The following AP2A2 variants were observed in gnomAD, a reference collection of about 807,000 sequenced individuals.
AP2A2 encodes adaptor related protein complex 2 subunit alpha 2.
Under a neutral mutation model 104.2 loss-of-function variants are expected in AP2A2, and 32 were observed. The ratio of observed to expected loss-of-function variants is 0.31; its 90% CI spans 0.23 to 0.41. The LOEUF (loss-of-function observed/expected upper bound fraction) is 0.41, where lower values mean the gene tolerates loss of function less well. Among genes scored for constraint, AP2A2 ranks in the 10% least tolerant of loss-of-function variants. The pLI, the probability that AP2A2 is intolerant of heterozygous loss-of-function variation, is 1.00. For missense variants in AP2A2, 912 were observed against 1,261.0 expected, an observed-to-expected ratio of 0.72 and a Z score of 4.19; for synonymous variants, 539 against 533.3, an observed-to-expected ratio of 1.01 and a Z score of -0.15.
chr11:933,722 G>A (rs970014722), intron 1 of AP2A2: 6 of 449,042 alleles, frequency 1.3e-5, no homozygotes, highest in Middle Eastern at 3.6e-4. Flanking sequence ...CCAGTGACTC[G>A]TGGGCACTCA....
intron 2 of AP2A2, among the ~76,000 whole-genome samples, chr11:966,128 A>G (rs1405245053): frequency 1.3e-5 from 2 of 152,236 alleles, no homozygotes; most frequent in African/African-American, 4.8e-5. Flanking sequence ...TTACAGGCGT[A>G]AGCCACTGCA....
intron 2 of AP2A2, among the ~76,000 whole-genome samples, chr11:967,033 G>T (rs1360782630): frequency 6.6e-6 from 1 of 151,950 alleles, no homozygotes; most frequent in East Asian, 2.0e-4. Context: ...TGGGTGTGGT[G>T]GCGTGTGCCT....
chr11:977,138 C>T lies in AP2A2; in HGVS notation c.517C>T (p.Leu173=), dbSNP rs1468870916. 5.0e-6 allele frequency: 8 copies of T among 1,613,792 alleles called. No homozygotes were observed. The South Asian group carries it at 8.8e-5, about 18-fold the overall frequency. The change falls in exon 5 of 22, where the codon CTG becomes TTG. Residue 173 remains leucine, a synonymous_variant. Coordinates refer to ENST00000448903, the MANE Select transcript of AP2A2 (RefSeq NM_012305.4). ...SVKQSAALCL[L]RLYRTSPDLV... is the part of the protein sequence containing the mutation. ...GAAGCAGAGCGCGGCCCTGTGCTTG[C>T]TGCGCCTGTACAGGACGTCCCCCGA...
chr11:949,601 C>A (rs145889800), intron 1 of AP2A2, among the ~76,000 whole-genome samples: 3,661 of 151,918 alleles, frequency 0.024, 154 homozygotes, highest in African/African-American at 0.083. Context: ...ATGGTGAAAC[C>A]CCATCTCTAC....
At chr11:927,815 A>AC (rs1853167332) in intron 1 of AP2A2, among the ~76,000 whole-genome samples, 1 of 103,810 alleles carries the variant, frequency 9.6e-6, no homozygotes, top group East Asian at 2.6e-4. Flanking sequence ...GACCTTTCTC[A>AC]CAAAAAAAAA....
At position 1,009,628 on chromosome 11, in the gene AP2A2, A is replaced by T. The variant is rs539847257; in HGVS notation, c.2608-55A>T. ...GGGTCTGGAGGGGCGGCCCCGGGGG[A>T]CACGCTGCCCGCGACCCCGCGCCAG... On this transcript the variant is annotated intron_variant, in intron 20 of 21. Transcript: ENST00000448903. 391 of 1,457,966 alleles carry T rather than the reference A, an allele frequency of 2.7e-4. 6 individuals carry two copies. The highest frequency in any genetic ancestry group is 8.5e-4 in the Admixed American group (42 of 49,698). The allele number at this position is 1,457,966 out of a possible 1,614,324, so 90.3% of individuals were successfully genotyped here.
At chr11:958,518 A>T (rs2134558434) in intron 1 of AP2A2, among the ~76,000 whole-genome samples, 1 of 152,300 alleles carries the variant, frequency 6.6e-6, no homozygotes, top group African/African-American at 2.4e-5. Context: ...GATAAGCCAA[A>T]AAGAAAGACT....
At chr11:995,410 A>AGGGAGGGCTCCTGTCGGGGTC (rs1855818175) in intron 14 of AP2A2, 1 of 455,636 alleles carries the variant, frequency 2.2e-6, no homozygotes, top group Admixed American at 2.4e-5. Context: ...CTGCACTGTC[A>AGGGAGGGCTCCTGTCGGGGTC]GGGAGGGCTC....
chr11:971,033 C>CT (rs1270404416), intron 3 of AP2A2, among the ~76,000 whole-genome samples: 1 of 152,180 alleles, frequency 6.6e-6, no homozygotes, highest in Non-Finnish European at 1.5e-5. Flanking sequence ...AAAAATTTAA[C>CT]TTAGAGAAAT....
chr11:972,263 C>T lies in AP2A2; in HGVS notation c.473+8C>T, dbSNP rs1415020322. 6 of 1,580,270 alleles carry T rather than the reference C, an allele frequency of 3.8e-6. No homozygotes were observed. The East Asian group carries it at 1.4e-4, about 36-fold the overall frequency. Reference sequence around the variant, plus strand: ...TAAGGTCCTCGTAGCCGGGTATGTGCCGGGCTCGTGCCGGGCTCCTGCTGA... The same window carrying T: ...TAAGGTCCTCGTAGCCGGGTATGTGTCGGGCTCGTGCCGGGCTCCTGCTGA... On this transcript the variant is annotated splice_region_variant and intron_variant, in intron 4 of 21. Coordinates refer to ENST00000448903, the MANE Select transcript of AP2A2 (RefSeq NM_012305.4).
chr11:970,311 CG>C lies in AP2A2; in HGVS notation c.279+1del, dbSNP rs1564799995. ...CAAACAGATACACGGAAAAGCAGAT[CG>C]TGAGTATCGCTGCAGGTGGAGACGG... On this transcript the variant is annotated splice_donor_variant, in intron 3 of 21. Coordinates refer to ENST00000448903, the MANE Select transcript of AP2A2 (RefSeq NM_012305.4). LOFTEE classifies it high-confidence loss of function. The C allele has an allele frequency of 1.2e-6, 2 of 1,613,178 alleles. No individual in the cohort carries two copies.
chr11:1,009,468 GC>G (rs1856328124), intron 20 of AP2A2, 71 bp downstream of exon 20: 1 of 1,487,552 alleles, frequency 6.7e-7, no homozygotes, highest in East Asian at 2.5e-5. Context: ...TGGAGGGACG[GC>G]CCCGGGGAAC....
chr11:962,601 C>T (rs376632888), intron 2 of AP2A2, among the ~76,000 whole-genome samples: 51 of 152,000 alleles, frequency 3.4e-4, no homozygotes, highest in Middle Eastern at 6.8e-3. Flanking sequence ...GGTGTGGAGG[C>T]GCGTGCCTAT....
At position 985,421 on chromosome 11, in the gene AP2A2, G is replaced by C. The variant is rs373037617; in HGVS notation, c.815-14G>C. 3.7e-6 allele frequency: 6 copies of C among 1,612,900 alleles called. No homozygotes were observed. The highest frequency in any genetic ancestry group is 2.2e-5 in the East Asian group (1 of 44,852). ...ACTGGAGACTGGTGAGCACCGTTCTGTCTTGCCCAGAAGACCCTGCAGTGC... is the reference window on the plus strand; with the variant it reads ...ACTGGAGACTGGTGAGCACCGTTCTCTCTTGCCCAGAAGACCCTGCAGTGC... On this transcript the variant is annotated splice_polypyrimidine_tract_variant and intron_variant, in intron 7 of 21. Coordinates refer to ENST00000448903, the MANE Select transcript of AP2A2 (RefSeq NM_012305.4).
At chr11:1,008,271 C>T (rs1460847753) in intron 18 of AP2A2, 136 bp downstream of exon 18, 19 of 1,282,844 alleles carry the variant, frequency 1.5e-5, no homozygotes, top group Middle Eastern at 5.5e-4. Flanking sequence ...ATGGATGCGG[C>T]CTGAGCTATT....
intron 9 of AP2A2, 119 bp downstream of exon 9, chr11:987,072 G>A: frequency 8.2e-7 from 1 of 1,225,052 alleles, no homozygotes. Flanking sequence ...TGGTGCTGGT[G>A]CTGCTGGCCT....
In AP2A2 at chr11:959,583, C is replaced by G. The variant is rs975753776; in HGVS notation, c.136+78C>G. 24 of 908,602 alleles carry G rather than the reference C, an allele frequency of 2.6e-5. No individual in the cohort carries two copies. In the African/African-American group the frequency reaches 3.9e-4, roughly 15 times the overall value. The allele number at this position is 908,602 out of a possible 1,614,324, so 56.3% of individuals were successfully genotyped here. A position where few individuals can be genotyped will look rare whatever the true frequency, so the allele number is the denominator to read the frequency against. ...TAAGAACCCAGTCTTTTAATACTGTCTTCTTTTCTCCCACACTAAAGTGAA... is the reference window on the plus strand; with the variant it reads ...TAAGAACCCAGTCTTTTAATACTGTGTTCTTTTCTCCCACACTAAAGTGAA... On this transcript the variant is annotated intron_variant, in intron 2 of 21. Transcript: ENST00000448903.
Position 940,182 on chromosome 11 carries a change from G to A in AP2A2, c.67+14094G>A, listed in dbSNP as rs549861903. ...TTGGCCAGGCTGGTCTTGAACTCCTGACCTTAAGTGATCCACCCGCCTTGG... is the reference window on the plus strand; with the variant it reads ...TTGGCCAGGCTGGTCTTGAACTCCTAACCTTAAGTGATCCACCCGCCTTGG... On this transcript the variant is annotated intron_variant, in intron 1 of 21. Coordinates refer to ENST00000448903, the MANE Select transcript of AP2A2 (RefSeq NM_012305.4). Among the ~76,000 whole-genome samples, 5 of 152,012 alleles carry A rather than the reference G, an allele frequency of 3.3e-5. No homozygotes were observed. In the East Asian group the frequency reaches 9.7e-4, roughly 29 times the overall value.
rs1450151914 is a variant in AP2A2, at chr11:992,729, T to TG, written c.1452+45dup. The TG allele has an allele frequency of 4.4e-6, 7 of 1,608,808 alleles. No homozygotes were observed. The highest frequency in any genetic ancestry group is 4.2e-6 in the Non-Finnish European group (5 of 1,176,596). ...CAGGAAGGATGGGGTGGAGGGCAGT[T>TG]GCAGAAGGTGAGCAGTGAGTGGTTC... On this transcript the variant is annotated intron_variant, in intron 11 of 21. Transcript: ENST00000448903. This position sits in a 1 kb window ranked among gnomAD's most constrained non-coding sequence, Gnocchi z 6.4.
Sources: allele counts gnomAD v4.1 joint callset (sites outside exome capture counted in the v4.1 genomes callset), GRCh38; gene constraint gnomAD v4.1.1; non-coding constraint Gnocchi (gnomAD v3.1); transcripts MANE v1.5; gene names NCBI Gene and HGNC (gene_info 2026-07-23, HGNC 2026-07-21).